Variants in RBFOX1 observed in about 807,000 individuals in gnomAD.
RBFOX1 encodes the protein RNA binding protein fox-1 homolog 1.
RBFOX1 carries 8 observed loss-of-function variants against 57.7 expected under a neutral mutation model. The observed-to-expected ratio is 0.14, with a 90% confidence interval of 0.08 to 0.25. The LOEUF (loss-of-function observed/expected upper bound fraction) is 0.25, where lower values mean the gene tolerates loss of function less well. RBFOX1 is among the 10% of genes least tolerant of loss of function. The pLI is 1.00. For synonymous variants in RBFOX1, 326 were observed against 222.4 expected (o/e 1.47, Z -4.15); for missense variants, 611 against 548.5 (o/e 1.11, Z -1.14).
intron 3 of RBFOX1, among the ~76,000 whole-genome samples, chr16:5,772,025 AG>A (rs2053996156): frequency 6.6e-6 from 1 of 152,070 alleles, no homozygotes; most frequent in African/African-American, 2.4e-5. Flanking sequence ...TACAAAAGTT[AG>A]CTGAGTGTGG....
chr16:5,399,104 A>G (rs138485492), intron 1 of RBFOX1, among the ~76,000 whole-genome samples: 7 of 152,312 alleles, frequency 4.6e-5, no homozygotes, highest in Non-Finnish European at 8.8e-5. Flanking sequence ...ACTTAAATCT[A>G]TTCTCAGAGG....
chr16:7,027,741 T>C (rs2041409197), intron 3 of RBFOX1, among the ~76,000 whole-genome samples: 1 of 152,072 alleles, frequency 6.6e-6, no homozygotes, highest in African/African-American at 2.4e-5. Flanking sequence ...AATAGACTTC[T>C]TTCCTTTTAT....
At chr16:5,534,515 A>G (rs763688141) in intron 2 of RBFOX1, among the ~76,000 whole-genome samples, 1 of 152,186 alleles carries the variant, frequency 6.6e-6, no homozygotes, top group African/African-American at 2.4e-5. Flanking sequence ...TCAAAAGGTC[A>G]TTGAAGAACC....
At chr16:5,614,707 A>G (rs1265955540) in intron 3 of RBFOX1, among the ~76,000 whole-genome samples, 2 of 152,228 alleles carry the variant, frequency 1.3e-5, no homozygotes, top group African/African-American at 4.8e-5. Context: ...TTGTACTAGC[A>G]GGAAGAAGAC....
chr16:6,764,674 C>A (rs933319367), intron 3 of RBFOX1, among the ~76,000 whole-genome samples: 1 of 152,140 alleles, frequency 6.6e-6, no homozygotes, highest in Non-Finnish European at 1.5e-5. Context: ...CAGTGGCTCA[C>A]GCCTGTAATC....
At chr16:7,605,275 A>G (rs1413413493) in intron 9 of RBFOX1, among the ~76,000 whole-genome samples, 1 of 152,208 alleles carries the variant, frequency 6.6e-6, no homozygotes, top group Admixed American at 6.5e-5. Flanking sequence ...ACGTCACTAT[A>G]GAAATTCTTA....
Position 6,577,466 on chromosome 16 carries a change from A to G in RBFOX1, c.-63-77137A>G, listed in dbSNP as rs191962388. 7.2e-5 allele frequency: 11 copies of G among 152,324 alleles called. No individual in the cohort carries two copies. The East Asian group carries it at 1.3e-3, about 19-fold the overall frequency. 9.4% of individuals were successfully genotyped at this position (152,324 alleles called of 1,614,324 possible). A position where few individuals can be genotyped will look rare whatever the true frequency, so the allele number is the denominator to read the frequency against. On this transcript the variant is annotated intron_variant, in intron 2 of 15. Transcript: ENST00000550418. The stretch of plus-strand genomic sequence containing the variant: ...TTTTCCTTCCAACTCTCCAGTTTGT[A>G]TCAGTCGGGGAACACCAAGTTGTGC...
At chr16:7,394,103 G>T (rs1268393330) in intron 4 of RBFOX1, among the ~76,000 whole-genome samples, 1 of 151,880 alleles carries the variant, frequency 6.6e-6, no homozygotes, top group African/African-American at 2.4e-5. Context: ...GGGTGTCCTG[G>T]TGCGTGCCTG....
chr16:6,976,816 C>T (rs550477988), intron 3 of RBFOX1, among the ~76,000 whole-genome samples: 5 of 145,730 alleles, frequency 3.4e-5, no homozygotes, highest in Admixed American at 1.4e-4. Flanking sequence ...TATAAATGAT[C>T]TAGATCATAT....
intron 5 of RBFOX1, among the ~76,000 whole-genome samples, chr16:7,556,489 T>C (rs749847737): frequency 2.6e-5 from 4 of 152,248 alleles, no homozygotes; most frequent in Admixed American, 6.5e-5. Flanking sequence ...TGGAATATTA[T>C]AAGGTTTATT....
At chr16:5,683,434 C>T (rs372776561) in intron 3 of RBFOX1, among the ~76,000 whole-genome samples, 2 of 151,756 alleles carry the variant, frequency 1.3e-5, no homozygotes, top group Admixed American at 6.6e-5. Context: ...CTGTGGGTGT[C>T]GCCAAAAGAG....
intron 3 of RBFOX1, among the ~76,000 whole-genome samples, chr16:5,844,343 T>G (rs1453420867): frequency 6.6e-6 from 1 of 152,220 alleles, no homozygotes; most frequent in African/African-American, 2.4e-5. Context: ...TGTGGCTGAT[T>G]ATATATGCTG....
chr16:6,662,145 A>G (rs530937440), intron 3 of RBFOX1, among the ~76,000 whole-genome samples: 1 of 151,850 alleles, frequency 6.6e-6, no homozygotes, highest in East Asian at 1.9e-4. Flanking sequence ...GGTGAAAAAA[A>G]AGGGAGGATC....
chr16:5,688,144 A>C (rs1353422420), intron 3 of RBFOX1, among the ~76,000 whole-genome samples: 3 of 152,200 alleles, frequency 2.0e-5, no homozygotes, highest in Admixed American at 2.0e-4. Context: ...AAGCTGAAAA[A>C]ATGGTGTTTA....
intron 4 of RBFOX1, among the ~76,000 whole-genome samples, chr16:7,227,309 G>C (rs1223201419): frequency 1.1e-5 from 1 of 91,002 alleles, no homozygotes; most frequent in Non-Finnish European, 2.5e-5. Flanking sequence ...CACACACACA[G>C]CAAGGGAGGA....
At chr16:5,823,362 CT>C (rs1474576629) in intron 3 of RBFOX1, among the ~76,000 whole-genome samples, 1 of 152,186 alleles carries the variant, frequency 6.6e-6, no homozygotes, top group Non-Finnish European at 1.5e-5. Flanking sequence ...GCTCCTGCCT[CT>C]TGGAACTAAT....
chr16:6,716,108 G>A (rs902067750), intron 3 of RBFOX1, among the ~76,000 whole-genome samples: 31 of 152,160 alleles, frequency 2.0e-4, no homozygotes, highest in Admixed American at 2.0e-3. Context: ...GAATTAGATT[G>A]GCCTGAGGCA....
At chr16:6,546,540 C>T (rs930450732) in intron 2 of RBFOX1, among the ~76,000 whole-genome samples, 15 of 152,290 alleles carry the variant, frequency 9.8e-5, no homozygotes, top group Admixed American at 4.6e-4. Context: ...CCTCTGTCTG[C>T]TTCTACTTTC....
chr16:6,950,055 T>A (rs562397046), intron 3 of RBFOX1, among the ~76,000 whole-genome samples: 1 of 151,630 alleles, frequency 6.6e-6, no homozygotes, highest in South Asian at 2.1e-4. Context: ...CAAGTGATTG[T>A]CCTGCCTCAG....
Sources: gnomAD v4.1 joint callset for allele counts (sites outside exome capture counted in the v4.1 genomes callset) on GRCh38, gnomAD v4.1.1 for gene constraint, MANE v1.5 for transcripts, NCBI Gene and HGNC (gene_info 2026-07-23, HGNC 2026-07-21) for gene names.